The following ZFHX4 variants were observed in gnomAD, a reference collection of about 807,000 sequenced individuals.
ZFHX4 encodes the protein zinc finger homeobox 4.
A neutral mutation model predicts 267.6 loss-of-function variants in ZFHX4; 56 were observed. The ratio of observed to expected loss-of-function variants is 0.21; its 90% CI spans 0.17 to 0.26. The LOEUF is 0.26. Among genes scored for constraint, ZFHX4 ranks in the 10% least tolerant of loss-of-function variants. The pLI, the probability that ZFHX4 is intolerant of heterozygous loss-of-function variation, is 1.00. For missense variants in ZFHX4, 4,332 were observed against 4,420.0 expected (o/e 0.98, Z 0.56); for synonymous variants, 1,778 against 1,665.6 (o/e 1.07, Z -1.64).
intron 1 of ZFHX4, among the ~76,000 whole-genome samples, chr8:76,694,140 TC>T (rs1309902909): frequency 6.6e-6 from 1 of 152,194 alleles, no homozygotes; most frequent in East Asian, 1.9e-4. Context: ...CTCTGTAAAC[TC>T]TATCGTGTAC....
intron 1 of ZFHX4, among the ~76,000 whole-genome samples, chr8:76,685,886 G>T (rs1171391485): frequency 6.6e-6 from 1 of 152,136 alleles, no homozygotes; most frequent in East Asian, 1.9e-4. Flanking sequence ...TGTTAAATGA[G>T]GCCTTCTTCA....
intron 3 of ZFHX4, among the ~76,000 whole-genome samples, chr8:76,733,641 G>T (rs73356743): frequency 0.051 from 7,737 of 152,138 alleles, 410 homozygotes; most frequent in East Asian, 0.24. Flanking sequence ...TATTCCTTTT[G>T]CCTTATATTA....
chr8:76,850,187 G>A (rs1247126255), intron 8 of ZFHX4, 58 bp from the exon 9 acceptor site: 3 of 1,325,930 alleles, frequency 2.3e-6, no homozygotes, highest in African/African-American at 2.9e-5. Context: ...AAAGAGAGAT[G>A]TGATGGAATT....
chr8:76,692,721 T>G (rs1430986985), intron 1 of ZFHX4, among the ~76,000 whole-genome samples: 1 of 152,132 alleles, frequency 6.6e-6, no homozygotes, highest in Non-Finnish European at 1.5e-5. Flanking sequence ...TTTTAATACA[T>G]TTTTCATTGC....
At chr8:76,808,910 GTC>G (rs377750059) in intron 4 of ZFHX4, among the ~76,000 whole-genome samples, 5,545 of 143,524 alleles carry the variant, frequency 0.039, 141 homozygotes, top group African/African-American at 0.071. Context: ...CTATCTCTCT[GTC>G]TCTCTCTCTC....
At chr8:76,708,761 A>G (rs536573318) in intron 3 of ZFHX4, among the ~76,000 whole-genome samples, 1 of 152,220 alleles carries the variant, frequency 6.6e-6, no homozygotes, top group South Asian at 2.1e-4. Context: ...ACCATTTATT[A>G]CAGAACTTGT....
chr8:76,719,534 G>A (rs7842199), intron 3 of ZFHX4, among the ~76,000 whole-genome samples: 30,188 of 151,898 alleles, frequency 0.2, 3,581 homozygotes, highest in African/African-American at 0.34. Context: ...TCTACAAAAG[G>A]CAAGTCCTGC....
intron 1 of ZFHX4, among the ~76,000 whole-genome samples, chr8:76,690,683 C>G (rs528376157): frequency 2.0e-5 from 3 of 151,840 alleles, no homozygotes; most frequent in Admixed American, 6.6e-5. Flanking sequence ...TTTCATCATC[C>G]CTAACACTCC....
intron 3 of ZFHX4, among the ~76,000 whole-genome samples, chr8:76,711,116 CA>C (rs1034417915): frequency 6.6e-6 from 1 of 151,296 alleles, no homozygotes; most frequent in Non-Finnish European, 1.5e-5. Context: ...CATATGGACT[CA>C]AAAAAAAGAA....
At chr8:76,861,003 A>G (rs909292624) in intron 10 of ZFHX4, among the ~76,000 whole-genome samples, 5 of 152,138 alleles carry the variant, frequency 3.3e-5, no homozygotes, top group African/African-American at 9.7e-5. Context: ...AGGCATATCT[A>G]TTACTTCACA....
chr8:76,820,625 A>G (rs1261303376), intron 4 of ZFHX4, among the ~76,000 whole-genome samples: 1 of 152,194 alleles, frequency 6.6e-6, no homozygotes, highest in Non-Finnish European at 1.5e-5. Flanking sequence ...CATATGCATT[A>G]TATATTGTTT....
chr8:76,780,511 CT>C (rs869093398), intron 4 of ZFHX4, among the ~76,000 whole-genome samples: 4 of 152,126 alleles, frequency 2.6e-5, no homozygotes, highest in Non-Finnish European at 5.9e-5. Flanking sequence ...CTTGCTAATG[CT>C]TTTTGGTTTA....
At chr8:76,787,314 A>G (rs1210617743) in intron 4 of ZFHX4, among the ~76,000 whole-genome samples, 1 of 152,136 alleles carries the variant, frequency 6.6e-6, no homozygotes. Flanking sequence ...ATGCATGACT[A>G]TAGAAAAAGA....
At chr8:76,689,940 G>A (rs1310451299) in intron 1 of ZFHX4, among the ~76,000 whole-genome samples, 1 of 152,010 alleles carries the variant, frequency 6.6e-6, no homozygotes, top group African/African-American at 2.4e-5. Context: ...TTAAGAATTT[G>A]GGCAGACTGA....
chr8:76,687,519 C>A (rs1007696954), intron 1 of ZFHX4, among the ~76,000 whole-genome samples: 4 of 152,294 alleles, frequency 2.6e-5, no homozygotes, highest in Non-Finnish European at 5.9e-5. Context: ...CAGAGTGAGT[C>A]TCATTCTTTT....
intron 1 of ZFHX4, among the ~76,000 whole-genome samples, chr8:76,695,521 T>G (rs1807934225): frequency 6.6e-6 from 1 of 152,244 alleles, no homozygotes; most frequent in African/African-American, 2.4e-5. Context: ...GTTGCATTGT[T>G]GAATTTACAC....
intron 3 of ZFHX4, among the ~76,000 whole-genome samples, chr8:76,710,659 A>G (rs754509212): frequency 6.6e-6 from 1 of 152,214 alleles, no homozygotes; most frequent in Admixed American, 6.5e-5. Context: ...AGTAGCAGTT[A>G]TAAGACAAAT....
intron 4 of ZFHX4, among the ~76,000 whole-genome samples, chr8:76,801,542 A>G (rs1361990236): frequency 6.6e-6 from 1 of 152,124 alleles, no homozygotes; most frequent in Non-Finnish European, 1.5e-5. Context: ...TGCTTCAACC[A>G]TTTTCTTTTC....
chr8:76,780,339 T>TAAC (rs1810515560), intron 4 of ZFHX4, among the ~76,000 whole-genome samples: 1 of 152,182 alleles, frequency 6.6e-6, no homozygotes, highest in Non-Finnish European at 1.5e-5. Flanking sequence ...TATACTCAAG[T>TAAC]CAGGAGTCAG....
Sources: gnomAD v4.1 joint callset for allele counts (sites outside exome capture counted in the v4.1 genomes callset) on GRCh38, gnomAD v4.1.1 for gene constraint, MANE v1.5 for transcripts, NCBI Gene and HGNC (gene_info 2026-07-23, HGNC 2026-07-21) for gene names.